CSNK1A1: variants seen among roughly 807,000 people sequenced by gnomAD.
The protein encoded by CSNK1A1 is casein kinase I isoform alpha.
A neutral mutation model predicts 46.1 loss-of-function variants in CSNK1A1; 7 were observed. The ratio of observed to expected loss-of-function variants is 0.15; its 90% CI spans 0.09 to 0.29. The LOEUF is 0.29. CSNK1A1 is among the 10% of genes least tolerant of loss of function. CSNK1A1 has a pLI of 1.00. For synonymous variants in CSNK1A1, 137 were observed against 141.5 expected (o/e 0.97, Z 0.23); for missense variants, 96 against 417.1 (o/e 0.23, Z 6.71).
At chr5:149,538,480 T>G (rs974104523) in intron 2 of CSNK1A1, among the ~76,000 whole-genome samples, 1 of 152,154 alleles carries the variant, frequency 6.6e-6, no homozygotes, top group Non-Finnish European at 1.5e-5. Flanking sequence ...GTTTGAAGAA[T>G]AGAAGCTAAC....
chr5:149,496,885 A>G, intron 9 of CSNK1A1, 25 bp from the exon 10 acceptor site: 1 of 1,538,220 alleles, frequency 6.5e-7, no homozygotes, highest in Non-Finnish European at 8.7e-7. Flanking sequence ...AAACAAAAAA[A>G]AAGTTAAAAT....
chr5:149,499,974 T>TC (rs1476647739), intron 9 of CSNK1A1, among the ~76,000 whole-genome samples: 70 of 119,706 alleles, frequency 5.8e-4, no homozygotes, highest in African/African-American at 1.8e-3. Flanking sequence ...TTTCTTTTTT[T>TC]TTTTTTTTTT....
rs1761161329 is a variant in CSNK1A1, at chr5:149,509,842, C to CA, written c.750+36dup. On this transcript the variant is annotated intron_variant, in intron 7 of 9. Coordinates refer to ENST00000377843, the MANE Select transcript of CSNK1A1 (RefSeq NM_001892.6). ...AGGTGTGAGCCATTGTGCCTGGCTTCATTTATATTTTTTTAATATTCATCA... is the reference window on the plus strand; with the variant it reads ...AGGTGTGAGCCATTGTGCCTGGCTTCAATTTATATTTTTTTAATATTCATCA... The CA allele has an allele frequency of 2.0e-6, 3 of 1,516,664 alleles. No individual in the cohort carries two copies. In the African/African-American group the frequency reaches 4.1e-5, roughly 21 times the overall value. 94.0% of individuals were successfully genotyped at this position (1,516,664 alleles called of 1,614,324 possible).
intron 2 of CSNK1A1, among the ~76,000 whole-genome samples, chr5:149,540,005 C>T (rs1344891378): frequency 2.0e-5 from 3 of 152,176 alleles, no homozygotes; most frequent in South Asian, 2.1e-4. Flanking sequence ...CAATTATTCC[C>T]TTATTTCAAA....
At chr5:149,504,308 T>C in intron 9 of CSNK1A1, 1 of 984,952 alleles carries the variant, frequency 1.0e-6, no homozygotes, top group Non-Finnish European at 1.2e-6. Flanking sequence ...ATGACATCAG[T>C]TAATAATATT....
chr5:149,537,640 T>C (rs6878112), intron 2 of CSNK1A1, among the ~76,000 whole-genome samples: 40,146 of 151,072 alleles, frequency 0.27, 5,731 homozygotes, highest in Admixed American at 0.41. Flanking sequence ...CACTCCAGAA[T>C]TGGTCAAACA....
intron 9 of CSNK1A1, 111 bp downstream of exon 9, chr5:149,505,322 TAACGCAGAGCCAAA>T (rs1237474148): frequency 1.4e-6 from 2 of 1,429,040 alleles, no homozygotes; most frequent in Non-Finnish European, 1.8e-6. Flanking sequence ...TTTTTTTTTT[TAACGCAGAGCCAAA>T]TTTTTATGTA....
At chr5:149,549,664 A>C (rs1313413476) in intron 2 of CSNK1A1, among the ~76,000 whole-genome samples, 1 of 152,208 alleles carries the variant, frequency 6.6e-6, no homozygotes, top group Non-Finnish European at 1.5e-5. Context: ...CCATTTCCCA[A>C]GCCAGCTCCA....
At chr5:149,502,488 C>A (rs1467144894) in intron 9 of CSNK1A1, 3 of 211,010 alleles carry the variant, frequency 1.4e-5, no homozygotes, top group Non-Finnish European at 2.1e-5. Context: ...GGATCACAGG[C>A]ACTCACTACT....
chr5:149,545,515 C>A, intron 2 of CSNK1A1: 1 of 632,852 alleles, frequency 1.6e-6, no homozygotes, highest in Non-Finnish European at 2.9e-6. Flanking sequence ...CTTGGCAATG[C>A]GGACACAAGC....
chr5:149,543,555 A>T (rs529524090), intron 2 of CSNK1A1, among the ~76,000 whole-genome samples: 14 of 152,156 alleles, frequency 9.2e-5, no homozygotes, highest in African/African-American at 3.4e-4. Flanking sequence ...TATCCAATGC[A>T]GCGTCATCTT....
At chr5:149,513,890 ACT>A (rs559700714) in intron 4 of CSNK1A1, among the ~76,000 whole-genome samples, 175 of 143,728 alleles carry the variant, frequency 1.2e-3, no homozygotes, top group African/African-American at 4.2e-3. Flanking sequence ...ACAGAGCAAA[ACT>A]CTTTCTTAAA....
At chr5:149,499,305 A>AC in intron 9 of CSNK1A1, 1 of 496,562 alleles carries the variant, frequency 2.0e-6, no homozygotes, top group Non-Finnish European at 2.4e-6. Flanking sequence ...TTAAAAAAAA[A>AC]GGGGAGGGGG....
chr5:149,497,342 C>T (rs1760685587), intron 9 of CSNK1A1: 1 of 987,068 alleles, frequency 1.0e-6, no homozygotes, highest in Non-Finnish European at 1.2e-6. Context: ...TTTTACTAAA[C>T]AAAGACCTGA....
chr5:149,551,122 G>C lies in CSNK1A1; in HGVS notation c.-158C>G, dbSNP rs369865474. On this transcript the variant is annotated 5_prime_UTR_variant, in exon 1 of 10. Coordinates refer to ENST00000377843, the MANE Select transcript of CSNK1A1 (RefSeq NM_001892.6). Reference sequence around the variant, plus strand: ...GGGTTCGGGGCCCAGAATCAGCAGAGGGGAACCTGATCACCGCCGCTCAGT... The same window carrying C: ...GGGTTCGGGGCCCAGAATCAGCAGACGGGAACCTGATCACCGCCGCTCAGT... 42 of 700,298 alleles carry C rather than the reference G, an allele frequency of 6.0e-5. No individual in the cohort carries two copies. The highest frequency in any genetic ancestry group is 2.9e-4 in the African/African-American group (16 of 55,388). The allele number at this position is 700,298 out of a possible 1,614,324, so 43.4% of individuals were successfully genotyped here.
chr5:149,504,074 T>A, intron 9 of CSNK1A1: 2 of 985,424 alleles, frequency 2.0e-6, no homozygotes, highest in Non-Finnish European at 2.4e-6. Context: ...GGCACTATGA[T>A]TAGTTATACG....
intron 5 of CSNK1A1, 37 bp downstream of exon 5, chr5:149,513,033 T>C: frequency 6.2e-7 from 1 of 1,609,680 alleles, no homozygotes; most frequent in South Asian, 1.1e-5. Flanking sequence ...TGGCTTCTGC[T>C]ATGGCTATGA....
At chr5:149,534,287 T>C (rs1761985155) in intron 2 of CSNK1A1, among the ~76,000 whole-genome samples, 1 of 151,530 alleles carries the variant, frequency 6.6e-6, no homozygotes. Flanking sequence ...ATCGAGACCA[T>C]CCTGGCCAAC....
intron 2 of CSNK1A1, among the ~76,000 whole-genome samples, chr5:149,531,013 T>A (rs989801270): frequency 7.2e-6 from 1 of 138,124 alleles, no homozygotes; most frequent in Non-Finnish European, 1.6e-5. Context: ...TTTCAGCTAC[T>A]CTGTTCCCTT....
Sources: gnomAD v4.1 joint callset for allele counts (sites outside exome capture counted in the v4.1 genomes callset) on GRCh38, gnomAD v4.1.1 for gene constraint, MANE v1.5 for transcripts, NCBI Gene and HGNC (gene_info 2026-07-23, HGNC 2026-07-21) for gene names.